Variants in PKD1L1 observed in about 807,000 individuals in gnomAD.
The protein encoded by PKD1L1 is polycystin 1 like 1, transient receptor potential channel interacting.
Under a neutral mutation model 323.4 loss-of-function variants are expected in PKD1L1, and 236 were observed. The ratio of observed to expected loss-of-function variants is 0.73; its 90% CI spans 0.66 to 0.81. The LOEUF (loss-of-function observed/expected upper bound fraction) is 0.81. Ranked by LOEUF, PKD1L1 falls within the 40% of genes least tolerant of loss-of-function variation. The pLI, the probability that PKD1L1 is intolerant of heterozygous loss-of-function variation, is 0.00. For missense variants in PKD1L1, 3,320 were observed against 3,508.0 expected (o/e 0.95, Z 1.35); for synonymous variants, 1,344 against 1,335.0 (o/e 1.01, Z -0.15).
intron 1 of PKD1L1, among the ~76,000 whole-genome samples, chr7:47,947,478 C>T (rs147932388): frequency 6.6e-6 from 1 of 152,340 alleles, no homozygotes; most frequent in East Asian, 1.9e-4. Flanking sequence ...CAGGGGACAG[C>T]GGTGACCCAC....
intron 18 of PKD1L1, 139 bp downstream of exon 18, chr7:47,885,547 G>A: frequency 8.7e-7 from 1 of 1,154,912 alleles, no homozygotes; most frequent in East Asian, 2.4e-5. Flanking sequence ...CCAGCAAGTG[G>A]TGGGTGTGAA....
chr7:47,898,577 A>C (rs1461490930), intron 13 of PKD1L1, among the ~76,000 whole-genome samples: 1 of 152,100 alleles, frequency 6.6e-6, no homozygotes, highest in Non-Finnish European at 1.5e-5. Context: ...TGTATATATA[A>C]ATTTTTTAAA....
intron 42 of PKD1L1, 143 bp downstream of exon 42, chr7:47,831,074 G>GGAGGGAGAAAT (rs1785339709): frequency 1.7e-6 from 2 of 1,170,094 alleles, no homozygotes; most frequent in East Asian, 2.4e-5. Flanking sequence ...CCAGGAGATG[G>GGAGGGAGAAAT]GAGGGAGAAA....
At position 47,927,318 on chromosome 7, in the gene PKD1L1, G is replaced by A. The variant is rs190600369; in HGVS notation, c.1060+1886C>T. Among the ~76,000 whole-genome samples, 80 of 151,250 alleles carry A rather than the reference G, an allele frequency of 5.3e-4. 1 individual carries two copies. The highest frequency in any genetic ancestry group is 7.8e-4 in the East Asian group (4 of 5,160). On this transcript the variant is annotated intron_variant, in intron 7 of 56. Coordinates refer to ENST00000289672, the MANE Select transcript of PKD1L1 (RefSeq NM_138295.5). ...TTTTGAGATGGAGTCTTGCCCTGTCGCCCAGGCAGGAATGCAGTGGTGCGA... is the reference window on the plus strand; with the variant it reads ...TTTTGAGATGGAGTCTTGCCCTGTCACCCAGGCAGGAATGCAGTGGTGCGA...
the PKD1L1 span, among the ~76,000 whole-genome samples, chr7:47,959,766 C>T: frequency 2.8e-5 from 4 of 143,414 alleles, no homozygotes; most frequent in African/African-American, 1.0e-4. Context: ...GCCCCCCGCC[C>T]GGCCAGCCGC....
At chr7:47,940,403 T>C (rs1787961187) in intron 2 of PKD1L1, 86 bp from the exon 3 acceptor site, 3 of 1,468,098 alleles carry the variant, frequency 2.0e-6, no homozygotes, top group African/African-American at 1.4e-5. Flanking sequence ...CCCTAAGTTA[T>C]ACATAAGGTC....
intron 13 of PKD1L1, among the ~76,000 whole-genome samples, chr7:47,899,820 G>A (rs1787042643): frequency 6.6e-6 from 1 of 152,038 alleles, no homozygotes; most frequent in African/African-American, 2.4e-5. Context: ...GCCAGGTGTG[G>A]TGGCGGACGC....
chr7:47,798,870 AGC>A (rs1784601231), intron 54 of PKD1L1, among the ~76,000 whole-genome samples: 1 of 152,038 alleles, frequency 6.6e-6, no homozygotes, highest in Non-Finnish European at 1.5e-5. Context: ...GGACACCAAC[AGC>A]AAAATCCATA....
At chr7:47,877,345 A>G (rs1453398320) in intron 22 of PKD1L1, 144 bp downstream of exon 22, 2 of 1,218,522 alleles carry the variant, frequency 1.6e-6, no homozygotes, top group African/African-American at 1.5e-5. Context: ...TGCCTAACCA[A>G]CTTTCCAACA....
intron 3 of PKD1L1, 131 bp from the exon 4 acceptor site, chr7:47,937,089 C>T (rs1787882694): frequency 3.1e-6 from 2 of 654,540 alleles, no homozygotes; most frequent in Admixed American, 3.0e-5. Context: ...GTGCTGGGCA[C>T]CAGAGAAGCA....
At chr7:47,843,302 T>G in intron 33 of PKD1L1, 133 bp from the exon 34 acceptor site, 1 of 713,856 alleles carries the variant, frequency 1.4e-6, no homozygotes, top group Non-Finnish European at 2.3e-6. Context: ...TTACACTTGC[T>G]GGAAGCTGAG....
intron 13 of PKD1L1, among the ~76,000 whole-genome samples, chr7:47,900,129 T>C (rs1787053490): frequency 6.6e-6 from 1 of 152,206 alleles, no homozygotes; most frequent in Non-Finnish European, 1.5e-5. Flanking sequence ...CTGAATATGA[T>C]ATCATTCTAA....
intron 14 of PKD1L1, 127 bp downstream of exon 14, chr7:47,897,861 T>C: frequency 1.4e-6 from 1 of 715,088 alleles, no homozygotes; most frequent in Non-Finnish European, 2.2e-6. Context: ...AGATTTTTTT[T>C]TTTTTAAACA....
At chr7:47,825,494 G>A (rs1455774048) in intron 45 of PKD1L1, among the ~76,000 whole-genome samples, 3 of 149,570 alleles carry the variant, frequency 2.0e-5, no homozygotes, top group East Asian at 2.0e-4. Flanking sequence ...TTGAGCCACT[G>A]CATTCCAGCC....
intron 2 of PKD1L1, 69 bp from the exon 3 acceptor site, chr7:47,940,386 G>T: frequency 1.3e-6 from 2 of 1,539,976 alleles, no homozygotes; most frequent in Non-Finnish European, 1.8e-6. Flanking sequence ...ACATAAAGCT[G>T]GAGAAGCCCT....
At chr7:47,921,687 AT>A (rs200541199) in intron 7 of PKD1L1, among the ~76,000 whole-genome samples, 18,395 of 152,196 alleles carry the variant, frequency 0.12, 3,777 homozygotes, top group African/African-American at 0.42. Flanking sequence ...ATATATATAT[AT>A]ATAATGAGAT....
chr7:47,808,518 C>G, intron 51 of PKD1L1, 131 bp from the exon 52 acceptor site: 2 of 1,121,924 alleles, frequency 1.8e-6, no homozygotes, highest in Non-Finnish European at 1.3e-6. Flanking sequence ...AGAAATGCAT[C>G]GCTGGGTGAT....
chr7:47,917,571 G>T (rs188566585), intron 7 of PKD1L1, among the ~76,000 whole-genome samples: 2 of 152,290 alleles, frequency 1.3e-5, no homozygotes, highest in Admixed American at 1.3e-4. Flanking sequence ...AATCTTAAGA[G>T]CTGTGAGACA....
intron 15 of PKD1L1, 125 bp downstream of exon 15, chr7:47,893,753 A>T: frequency 1.0e-6 from 1 of 995,360 alleles, no homozygotes; most frequent in Non-Finnish European, 1.4e-6. Context: ...TAAAGCAGTT[A>T]AACTTAACGA....
Sources: allele counts gnomAD v4.1 joint callset (sites outside exome capture counted in the v4.1 genomes callset), GRCh38; gene constraint gnomAD v4.1.1; transcripts MANE v1.5; gene names NCBI Gene and HGNC (gene_info 2026-07-23, HGNC 2026-07-21).